The following LBHD1 variants were observed in gnomAD, a reference collection of about 807,000 sequenced individuals.
LBHD1 encodes LBH domain-containing protein 1.
LBHD1 carries 28 observed loss-of-function variants against 31.1 expected under a neutral mutation model. That is an observed-to-expected ratio of 0.90 (90% CI 0.67 to 1.24). The LOEUF (loss-of-function observed/expected upper bound fraction) is 1.24, where lower values mean the gene tolerates loss of function less well. LBHD1 is among the 50% of genes most tolerant of loss of function. The pLI is 0.00. For synonymous variants in LBHD1, 105 were observed against 116.5 expected (o/e 0.90, Z 0.63); for missense variants, 350 against 323.0 (o/e 1.08, Z -0.64).
intron 5 of LBHD1, among the ~76,000 whole-genome samples, chr11:62,664,082 GAAAAAAAAAAA>G (rs71056540): frequency 1.5e-5 from 1 of 65,944 alleles, no homozygotes; most frequent in Admixed American, 1.9e-4. Context: ...CAAAAAAGAG[GAAAAAAAAAAA>G]AAAAAAAAAA....
At chr11:62,665,848 G>T in intron 4 of LBHD1, 1 of 1,608,830 alleles carries the variant, frequency 6.2e-7, no homozygotes. Flanking sequence ...CTTCACATAA[G>T]CTTCTCTGGT....
At chr11:62,666,853 T>A in intron 4 of LBHD1, 1 of 1,614,186 alleles carries the variant, frequency 6.2e-7, no homozygotes, top group Non-Finnish European at 8.5e-7. Flanking sequence ...GAGGTCTGCC[T>A]AGGGCTTACC....
chr11:62,670,164 C>A (rs184060434), intron 1 of LBHD1, 123 bp from the exon 2 acceptor site: 2 of 1,038,216 alleles, frequency 1.9e-6, no homozygotes, highest in Non-Finnish European at 2.7e-6. Flanking sequence ...AGCGATTATA[C>A]GCTTTCAGGG....
intron 4 of LBHD1, chr11:62,665,273 T>A: frequency 1.4e-6 from 1 of 738,120 alleles, no homozygotes; most frequent in Non-Finnish European, 2.3e-6. Flanking sequence ...CGGGGGCGGG[T>A]CCTCGGGCTA....
chr11:62,671,970 C>A lies in LBHD1; in HGVS notation c.-417G>T. The A allele has an allele frequency of 1.2e-6, 2 of 1,613,978 alleles. No homozygotes were observed. The highest frequency in any genetic ancestry group is 4.5e-5 in the East Asian group (2 of 44,886). On this transcript the variant is annotated 5_prime_UTR_variant, in exon 1 of 7. Coordinates refer to ENST00000354588, the MANE Select transcript of LBHD1 (RefSeq NM_024099.5). ...GCCCTCAGGAGATGCCACTGCAGGACCCAAGGAGCAGGGAGGAGGCGGCCA... is the reference window on the plus strand; with the variant it reads ...GCCCTCAGGAGATGCCACTGCAGGAACCAAGGAGCAGGGAGGAGGCGGCCA...
chr11:62,665,132 G>T, intron 4 of LBHD1, 159 bp from the exon 5 acceptor site: 2 of 1,087,362 alleles, frequency 1.8e-6, no homozygotes, highest in Non-Finnish European at 2.7e-6. Flanking sequence ...CACAGTCACC[G>T]TTCGGGGCCG....
At chr11:62,666,782 GCTT>G (rs750265298) in intron 4 of LBHD1, 4 of 1,613,950 alleles carry the variant, frequency 2.5e-6, no homozygotes, top group Non-Finnish European at 1.7e-6. Context: ...GGGGGCTGTG[GCTT>G]CTTCAGGCTC....
chr11:62,664,058 G>A (rs1313730548), intron 5 of LBHD1, among the ~76,000 whole-genome samples: 1 of 140,488 alleles, frequency 7.1e-6, no homozygotes, highest in Non-Finnish European at 1.5e-5. Flanking sequence ...GGGCAACAGA[G>A]GGAGACTCTG....
intron 4 of LBHD1, chr11:62,666,283 C>A: frequency 8.9e-7 from 1 of 1,119,530 alleles, no homozygotes; most frequent in Non-Finnish European, 1.3e-6. Flanking sequence ...GTACTCAACC[C>A]TGGGTCACAG....
chr11:62,671,389 C>G (rs1333522618), intron 1 of LBHD1, 175 bp downstream of exon 1: 2 of 1,268,432 alleles, frequency 1.6e-6, no homozygotes, highest in Admixed American at 2.8e-5. Flanking sequence ...GCTCGGGCCT[C>G]TACTGATCGG....
At position 62,667,636 on chromosome 11, in the gene LBHD1, G is replaced by T; in HGVS notation, c.425C>A (p.Thr142Lys). The change falls in exon 4 of 7, where the codon ACA becomes AAA. Residue 142 changes from threonine (T) to lysine (K), a missense_variant. By Grantham distance (78) the Thr-to-Lys change is moderately conservative. Coordinates refer to ENST00000354588, the MANE Select transcript of LBHD1 (RefSeq NM_024099.5). ...GTGGTTGGTGGCTTCCAGACATGCT[G>T]TGTCCTCAAGAATCCAACAAGCATC... ...EEDACWILED[T>K]ACLEATNHCP... 1 of 1,614,152 alleles carries T rather than the reference G, an allele frequency of 6.2e-7. No homozygotes were observed. Among genetic ancestry groups the T allele is most frequent in the Non-Finnish European group, 8.5e-7 (1 of 1,180,010 alleles).
chr11:62,663,258 C>T lies in LBHD1; in HGVS notation c.739G>A (p.Glu247Lys). 6.2e-7 allele frequency: 1 copy of T among 1,614,210 alleles called. No individual in the cohort carries two copies. The highest frequency in any genetic ancestry group is 1.1e-5 in the South Asian group (1 of 91,090). Residue 247 changes from glutamate (E) to lysine (K), a missense_variant, in exon 6 of 7, where the codon GAA (glutamate) becomes AAA (lysine). By Grantham distance (56) the Glu-to-Lys change is moderately conservative. Coordinates refer to ENST00000354588, the MANE Select transcript of LBHD1 (RefSeq NM_024099.5). ...KTPPADPACP[E>K]REDSHGSGSP... is the part of the protein sequence containing the mutation. ...CACCTTCCATGGCTGTCTTCTCTTT[C>T]TGGGCAAGCCGGATCTGCTGGAGGA...
At chr11:62,668,999 T>C (rs1463188324) in intron 3 of LBHD1, among the ~76,000 whole-genome samples, 2 of 151,836 alleles carry the variant, frequency 1.3e-5, no homozygotes, top group African/African-American at 4.8e-5. Context: ...GGATCTCAGC[T>C]TACTGCAAAC....
In LBHD1 at chr11:62,669,748, T is replaced by C; in HGVS notation, c.206A>G (p.Asn69Ser). Residue 69 changes from asparagine to serine, a missense_variant, in exon 3 of 7, where the codon AAT becomes AGT. By Grantham distance (46) the Asn-to-Ser change is conservative (BLOSUM62 1). Transcript: ENST00000354588. ...PSIVVESSEV[N>S]EESGDLHLPH... ...CAAATGGAGATCCCCACTCTCTTCA[T>C]TCACCTCACTGGATTCCACCACAAT... 1 of 1,614,202 alleles carries C rather than the reference T, an allele frequency of 6.2e-7. No homozygotes were observed. Among genetic ancestry groups the C allele is most frequent in the South Asian group, 1.1e-5 (1 of 91,082 alleles).
intron 5 of LBHD1, 83 bp downstream of exon 5, chr11:62,664,766 A>T: frequency 6.6e-7 from 1 of 1,503,984 alleles, no homozygotes; most frequent in Non-Finnish European, 9.0e-7. Context: ...AGGTGAGCTG[A>T]GAGGTGAAGC....
At position 62,671,991 on chromosome 11, in the gene LBHD1, G is replaced by A. The variant is rs528259269; in HGVS notation, c.-438C>T. The A allele has an allele frequency of 4.3e-6, 7 of 1,613,818 alleles. No individual in the cohort carries two copies. The South Asian group carries it at 5.5e-5, about 13-fold the overall frequency. ...AGGACCCAAGGAGCAGGGAGGAGGC[G>A]GCCAGGACCCAGCAGCTATTGCTGG... On this transcript the variant is annotated 5_prime_UTR_variant, in exon 1 of 7. Transcript: ENST00000354588.
Position 62,669,979 on chromosome 11 carries a change from C to T in LBHD1, c.53G>A (p.Ser18Asn). The T allele has an allele frequency of 6.2e-7, 1 of 1,613,900 alleles. No individual in the cohort carries two copies. The highest frequency in any genetic ancestry group is 8.5e-7 in the Non-Finnish European group (1 of 1,179,984). Reference protein sequence around the residue: ...SKEDGLWTRNSPGSSQHPESP... With the variant: ...SKEDGLWTRNNPGSSQHPESP... Reference sequence around the variant, plus strand: ...TTCTGGATGCTGGGAGGAGCCTGGGCTATTTCTAGTCCAAAGCCCATCCTC... The same window carrying T: ...TTCTGGATGCTGGGAGGAGCCTGGGTTATTTCTAGTCCAAAGCCCATCCTC... The change falls in exon 2 of 7, where the codon AGC becomes AAC. Residue 18 changes from serine to asparagine, a missense_variant. Ser to Asn is a conservative substitution (Grantham distance 46, BLOSUM62 1). Coordinates refer to ENST00000354588, the MANE Select transcript of LBHD1 (RefSeq NM_024099.5).
chr11:62,666,049 T>C, intron 4 of LBHD1: 2 of 1,313,664 alleles, frequency 1.5e-6, no homozygotes. Context: ...AAATTGTGAT[T>C]CTCAAACCCT....
intron 4 of LBHD1, chr11:62,666,383 A>G (rs999852282): frequency 2.1e-5 from 34 of 1,605,624 alleles, no homozygotes; most frequent in Non-Finnish European, 2.8e-5. Context: ...ACACCCTCCA[A>G]CCGTGCCCAC....
Sources: allele counts gnomAD v4.1 joint callset (sites outside exome capture counted in the v4.1 genomes callset), GRCh38; gene constraint gnomAD v4.1.1; transcripts MANE v1.5; gene names NCBI Gene and HGNC (gene_info 2026-07-23, HGNC 2026-07-21).